SGCZ: variants seen among roughly 807,000 people sequenced by gnomAD.
SGCZ encodes zeta-sarcoglycan.
A neutral mutation model predicts 41.3 loss-of-function variants in SGCZ; 40 were observed. That is an observed-to-expected ratio of 0.97 (90% CI 0.75 to 1.26). The LOEUF (loss-of-function observed/expected upper bound fraction) is 1.26. Ranked by LOEUF, SGCZ falls within the 50% of genes most tolerant of loss-of-function variation. The pLI, the probability that SGCZ is intolerant of heterozygous loss-of-function variation, is 0.00. For synonymous variants in SGCZ, 206 were observed against 137.5 expected, an observed-to-expected ratio of 1.50 and a Z score of -3.49; for missense variants, 552 against 369.8, an observed-to-expected ratio of 1.49 and a Z score of -4.04.
intron 6 of SGCZ, among the ~76,000 whole-genome samples, chr8:14,107,527 T>A (rs934938223): frequency 6.6e-6 from 1 of 152,216 alleles, no homozygotes; most frequent in Non-Finnish European, 1.5e-5. Context: ...TACTCCGTGG[T>A]CATTTATAGC....
chr8:14,136,822 G>C (rs13251936), intron 5 of SGCZ, among the ~76,000 whole-genome samples: 1 of 151,976 alleles, frequency 6.6e-6, no homozygotes, highest in Non-Finnish European at 1.5e-5. Context: ...TGGAGTTTGA[G>C]ATCTGAGAAT....
intron 2 of SGCZ, among the ~76,000 whole-genome samples, chr8:14,450,846 A>C (rs554927385): frequency 6.6e-6 from 1 of 152,180 alleles, no homozygotes; most frequent in Non-Finnish European, 1.5e-5. Context: ...ATTTTTCCTG[A>C]TATGTGTATT....
intron 1 of SGCZ, among the ~76,000 whole-genome samples, chr8:15,200,758 G>T (rs1382476420): frequency 6.6e-6 from 1 of 152,104 alleles, no homozygotes. Flanking sequence ...ATCATTTAGA[G>T]ATGAGGAAAA....
At chr8:15,020,530 A>G (rs1200446863) in intron 1 of SGCZ, among the ~76,000 whole-genome samples, 1 of 152,170 alleles carries the variant, frequency 6.6e-6, no homozygotes, top group East Asian at 1.9e-4. Flanking sequence ...CTTGATTAAA[A>G]TATAATCGCT....
intron 5 of SGCZ, among the ~76,000 whole-genome samples, chr8:14,125,447 T>C (rs961322597): frequency 4.7e-5 from 7 of 148,640 alleles, no homozygotes; most frequent in African/African-American, 1.8e-4. Context: ...GAGCTCGCAG[T>C]GAGCCGAGAT....
At chr8:14,888,068 C>G (rs889895462) in intron 1 of SGCZ, among the ~76,000 whole-genome samples, 1 of 152,136 alleles carries the variant, frequency 6.6e-6, no homozygotes, top group African/African-American at 2.4e-5. Context: ...CAACGTCACT[C>G]TGTGCCCCCT....
intron 1 of SGCZ, among the ~76,000 whole-genome samples, chr8:14,833,974 A>G (rs913151495): frequency 6.6e-6 from 1 of 152,210 alleles, no homozygotes; most frequent in African/African-American, 2.4e-5. Flanking sequence ...AAGCTACTTT[A>G]AAAATGACTA....
rs146093304 is a variant in SGCZ at position 15,137,408 on chromosome 8, C to T, written c.39+100177G>A. On this transcript the variant is annotated intron_variant, in intron 1 of 7. Coordinates refer to ENST00000382080, the MANE Select transcript of SGCZ (RefSeq NM_139167.4). Reference sequence around the variant, plus strand: ...AGAAATTTCTATAAGTAACAAGGAGCAGAATGTTAAGCACCAAGACAATGG... The same window carrying T: ...AGAAATTTCTATAAGTAACAAGGAGTAGAATGTTAAGCACCAAGACAATGG... 3.5e-3 allele frequency among the ~76,000 whole-genome samples: 533 copies of T among 152,282 alleles called. 5 individuals carry two copies. The highest frequency in any genetic ancestry group is 0.012 in the African/African-American group (515 of 41,550).
chr8:14,364,426 G>A (rs897252791), intron 2 of SGCZ, among the ~76,000 whole-genome samples: 7 of 152,064 alleles, frequency 4.6e-5, no homozygotes, highest in Admixed American at 1.3e-4. Context: ...GTCTCACTGA[G>A]TACTGCCTGA....
intron 1 of SGCZ, among the ~76,000 whole-genome samples, chr8:14,660,446 C>T (rs988982857): frequency 6.6e-6 from 1 of 151,556 alleles, no homozygotes; most frequent in African/African-American, 2.4e-5. Flanking sequence ...GTGGTGGGCA[C>T]CTGTAATCCC....
At chr8:14,467,401 A>G (rs550393741) in intron 2 of SGCZ, among the ~76,000 whole-genome samples, 10 of 152,182 alleles carry the variant, frequency 6.6e-5, no homozygotes, top group African/African-American at 2.2e-4. Context: ...TTCTATAATC[A>G]GAAGCAATAA....
At position 14,313,612 on chromosome 8, in the gene SGCZ, A is replaced by C. The variant is rs1314849419; in HGVS notation, c.336+10491T>G. On this transcript the variant is annotated intron_variant, in intron 3 of 7. Coordinates refer to ENST00000382080, the MANE Select transcript of SGCZ (RefSeq NM_139167.4). ...TGGCCTCCCAAAGTTCTGGGATTAC[A>C]GGTGTGGGCCACCATGCCTGGCTGG... Among the ~76,000 whole-genome samples the C allele has an allele frequency of 2.6e-5, 4 of 152,210 alleles. No individual in the cohort carries two copies. In the East Asian group the frequency reaches 7.7e-4, roughly 29 times the overall value.
intron 3 of SGCZ, among the ~76,000 whole-genome samples, chr8:14,246,995 T>C (rs1394778757): frequency 6.6e-6 from 1 of 152,122 alleles, no homozygotes; most frequent in African/African-American, 2.4e-5. Context: ...ATTGAAATTT[T>C]TATGTTAAAG....
intron 7 of SGCZ, among the ~76,000 whole-genome samples, chr8:14,097,841 A>C (rs372315630): frequency 2.0e-5 from 3 of 152,264 alleles, no homozygotes; most frequent in East Asian, 3.9e-4. Flanking sequence ...ACCATTATGT[A>C]ATGCCCTTCT....
chr8:14,632,130 C>T (rs931306082), intron 1 of SGCZ, among the ~76,000 whole-genome samples: 1 of 151,990 alleles, frequency 6.6e-6, no homozygotes, highest in Non-Finnish European at 1.5e-5. Flanking sequence ...ATGATCCTCC[C>T]ACCTCAGCCA....
intron 5 of SGCZ, among the ~76,000 whole-genome samples, chr8:14,141,318 T>C (rs1450279824): frequency 6.6e-6 from 1 of 152,022 alleles, no homozygotes; most frequent in Non-Finnish European, 1.5e-5. Flanking sequence ...TAGACAAATG[T>C]GATCTGATTA....
chr8:14,097,515 G>A (rs1801882635), intron 7 of SGCZ, among the ~76,000 whole-genome samples: 1 of 152,160 alleles, frequency 6.6e-6, no homozygotes, highest in African/African-American at 2.4e-5. Context: ...TTCCAATTAT[G>A]TGGTCATTGT....
intron 2 of SGCZ, among the ~76,000 whole-genome samples, chr8:14,352,086 G>C (rs1213002425): frequency 3.3e-5 from 5 of 152,096 alleles, no homozygotes; most frequent in Non-Finnish European, 4.4e-5. Flanking sequence ...ATTCTTTAAT[G>C]AAAGTTAGCT....
intron 2 of SGCZ, among the ~76,000 whole-genome samples, chr8:14,405,714 G>C (rs887015322): frequency 4.6e-5 from 7 of 152,226 alleles, no homozygotes; most frequent in Middle Eastern, 3.4e-3. Context: ...TCAAGCCTGT[G>C]ATTTCAAATT....
Sources: gnomAD v4.1 joint callset for allele counts (sites outside exome capture counted in the v4.1 genomes callset) on GRCh38, gnomAD v4.1.1 for gene constraint, MANE v1.5 for transcripts, NCBI Gene and HGNC (gene_info 2026-07-23, HGNC 2026-07-21) for gene names.